The following GRPEL1 variants were observed in gnomAD, a reference collection of about 807,000 sequenced individuals.
GRPEL1 encodes the protein GrpE like 1, mitochondrial.
A neutral mutation model predicts 22.1 loss-of-function variants in GRPEL1; 13 were observed. The observed-to-expected ratio is 0.59, with a 90% CI of 0.38 to 0.94. GRPEL1 has a LOEUF of 0.94. Among genes scored for constraint, GRPEL1 ranks in the 40% least tolerant of loss-of-function variants. The pLI is 0.00. For synonymous variants in GRPEL1, 109 were observed against 105.3 expected (o/e 1.03, Z -0.21); for missense variants, 289 against 264.6 (o/e 1.09, Z -0.64).
rs1379852086 is a variant in GRPEL1, at chr4:7,064,159, C to A, written c.127G>T (p.Asp43Tyr). ...GCCTTCTGTTCACTCTGACCCATGT[C>A]CTCTTCCAGGTTCTGGCCACTGTTC... The part of the protein sequence containing the change: ...QKNSGQNLEE[D>Y]MGQSEQKADP... Residue 43 changes from aspartate to tyrosine, a missense_variant, in exon 2 of 4, where the codon GAC becomes TAC. Asp to Tyr is a radical substitution (Grantham distance 160, BLOSUM62 -3). Transcript: ENST00000264954. 1 of 1,614,222 alleles carries A rather than the reference C, an allele frequency of 6.2e-7. No individual in the cohort carries two copies. The highest frequency in any genetic ancestry group is 8.5e-7 in the Non-Finnish European group (1 of 1,180,028).
At chr4:7,067,855 G>C (rs904533275) in intron 1 of GRPEL1, 116 bp downstream of exon 1, 1 of 1,081,256 alleles carries the variant, frequency 9.2e-7, no homozygotes, top group African/African-American at 1.6e-5. Flanking sequence ...CGCGAGCCCG[G>C]AGATGCCCAG....
At chr4:7,066,974 C>G (rs1433774974) in intron 1 of GRPEL1, among the ~76,000 whole-genome samples, 1 of 152,238 alleles carries the variant, frequency 6.6e-6, no homozygotes, top group African/African-American at 2.4e-5. Context: ...AGTCTTTTTA[C>G]TCAAGTATTC....
intron 1 of GRPEL1, among the ~76,000 whole-genome samples, chr4:7,066,918 T>C (rs1200471589): frequency 6.6e-6 from 1 of 152,222 alleles, no homozygotes; most frequent in African/African-American, 2.4e-5. Flanking sequence ...GGTGGTCACT[T>C]TCCTGGCAAT....
rs2108792243 is a variant in GRPEL1 at position 7,064,223 on chromosome 4, C to T, written c.63G>A (p.Arg21=). 6.2e-7 allele frequency: 1 copy of T among 1,610,466 alleles called. No homozygotes were observed. Among genetic ancestry groups the T allele is most frequent in the Non-Finnish European group, 8.5e-7 (1 of 1,178,012 alleles). The change falls in exon 2 of 4, where the codon AGG becomes AGA. Residue 21 remains arginine (R), a splice_region_variant and synonymous_variant. Transcript: ENST00000264954. ...CTGTGCACAACAACCGGGGAGATGG[C>T]CTACAGGGAAGTCCACACGTGAGAA... The part of the protein sequence containing the change: ...RSLPALALSL[R]PSPRLLCTAT...
chr4:7,061,450 A>C, intron 3 of GRPEL1: 3 of 475,194 alleles, frequency 6.3e-6, no homozygotes, highest in Non-Finnish European at 1.1e-5. Flanking sequence ...AGTGCAGTAG[A>C]GGGGAAAATA....
rs1034700442 is a variant in GRPEL1, at chr4:7,060,436, C to T, written c.*426G>A. On this transcript the variant is annotated 3_prime_UTR_variant, in exon 4 of 4. Coordinates refer to ENST00000264954, the MANE Select transcript of GRPEL1 (RefSeq NM_025196.4). ...TTCAACTCTCTTGCCTTTCCTTCAG[C>T]GAATGAAATGTGACGGGCTAAATAC... 1.2e-5 allele frequency: 2 copies of T among 162,782 alleles called. No homozygotes were observed. The highest frequency in any genetic ancestry group is 6.1e-5 in the Admixed American group (1 of 16,340). The allele number at this position is 162,782 out of a possible 1,614,324, so 10.1% of individuals were successfully genotyped here. A position where few individuals can be genotyped will look rare whatever the true frequency, so the allele number is the denominator to read the frequency against.
intron 3 of GRPEL1, chr4:7,061,856 T>C (rs1724048731): frequency 1.3e-5 from 2 of 153,214 alleles, no homozygotes; most frequent in South Asian, 4.1e-4. Context: ...CCTCGAGCCT[T>C]AGGTTCCACA....
rs1215959355 is a variant in GRPEL1 at position 7,060,387 on chromosome 4, A to T, written c.*475T>A. 2 of 156,488 alleles carry T rather than the reference A, an allele frequency of 1.3e-5. No homozygotes were observed. Among genetic ancestry groups the T allele is most frequent in the African/African-American group, 4.8e-5 (2 of 41,448 alleles). 9.7% of individuals were successfully genotyped at this position (156,488 alleles called of 1,614,324 possible). On this transcript the variant is annotated 3_prime_UTR_variant, in exon 4 of 4. Coordinates refer to ENST00000264954, the MANE Select transcript of GRPEL1 (RefSeq NM_025196.4). ...ACTCACTATGTTCTTCACAAAGATC[A>T]TTTTTTTTAAGTAAGAAAAATGTTT...
At chr4:7,062,961 G>A (rs758469341) in intron 2 of GRPEL1, among the ~76,000 whole-genome samples, 4 of 152,172 alleles carry the variant, frequency 2.6e-5, no homozygotes, top group Non-Finnish European at 5.9e-5. Context: ...CTTAATAAAA[G>A]CTGCACTCAT....
At chr4:7,066,391 G>A (rs180930469) in intron 1 of GRPEL1, among the ~76,000 whole-genome samples, 2 of 152,308 alleles carry the variant, frequency 1.3e-5, no homozygotes, top group Admixed American at 1.3e-4. Context: ...TGGATGTTCT[G>A]TTAAGAAATG....
intron 1 of GRPEL1, among the ~76,000 whole-genome samples, chr4:7,066,804 T>C (rs1724179719): frequency 1.3e-5 from 2 of 152,188 alleles, no homozygotes. Context: ...TCAGAAAGCC[T>C]AGTTACTCTG....
At chr4:7,067,664 C>T (rs1453078926) in intron 1 of GRPEL1, 1 of 432,678 alleles carries the variant, frequency 2.3e-6, no homozygotes, top group South Asian at 3.9e-5. Flanking sequence ...GAGGCGTCGC[C>T]GCAGGCCCTG....
At chr4:7,065,585 A>G (rs2108793022) in intron 1 of GRPEL1, among the ~76,000 whole-genome samples, 1 of 152,158 alleles carries the variant, frequency 6.6e-6, no homozygotes, top group South Asian at 2.1e-4. Context: ...CTCAGAGTAG[A>G]AGGAGATACC....
intron 1 of GRPEL1, 125 bp downstream of exon 1, chr4:7,067,846 G>T: frequency 1.0e-6 from 1 of 989,756 alleles, no homozygotes; most frequent in Non-Finnish European, 1.5e-6. Flanking sequence ...GCGGGGAACC[G>T]CGAGCCCGGA....
At position 7,067,952 on chromosome 4, in the gene GRPEL1, G is replaced by T; in HGVS notation, c.62+19C>A. On this transcript the variant is annotated intron_variant, in intron 1 of 3. Transcript: ENST00000264954. ...GGTCGCGCTGCCACCTCCACCCAGG[G>T]AGACCAAGTGCCCCTTACCTGAGAG... 4.3e-6 allele frequency: 7 copies of T among 1,612,794 alleles called. No individual in the cohort carries two copies. The highest frequency in any genetic ancestry group is 5.9e-6 in the Non-Finnish European group (7 of 1,179,632).
At chr4:7,065,005 A>G (rs998652060) in intron 1 of GRPEL1, among the ~76,000 whole-genome samples, 1 of 152,160 alleles carries the variant, frequency 6.6e-6, no homozygotes, top group Non-Finnish European at 1.5e-5. Flanking sequence ...TTACATGTCA[A>G]TGTGCCAAGT....
Position 7,062,388 on chromosome 4 carries a change from A to T in GRPEL1, c.304T>A (p.Tyr102Asn). The change falls in exon 3 of 4, where the codon TAC (tyrosine) becomes AAC (asparagine). Residue 102 changes from tyrosine (Y) to asparagine (N), a missense_variant. Coordinates refer to ENST00000264954, the MANE Select transcript of GRPEL1 (RefSeq NM_025196.4). ...SQKLVEEAKL[Y>N]GIQAFCKDLL... is the part of the protein sequence containing the mutation. ...CACCATGTTATGTTGAAAGTACCGT[A>T]TAATTTTGCCTCCTCCACCAATTTC... 1 of 1,536,554 alleles carries T rather than the reference A, an allele frequency of 6.5e-7. No individual in the cohort carries two copies. The highest frequency in any genetic ancestry group is 9.0e-7 in the Non-Finnish European group (1 of 1,113,836).
intron 1 of GRPEL1, among the ~76,000 whole-genome samples, chr4:7,065,150 G>A (rs1724135598): frequency 6.6e-6 from 1 of 152,126 alleles, no homozygotes; most frequent in Non-Finnish European, 1.5e-5. Flanking sequence ...TGATCCTGAT[G>A]ACAAAGATAG....
intron 2 of GRPEL1, among the ~76,000 whole-genome samples, chr4:7,063,263 A>T (rs141397141): frequency 2.0e-5 from 3 of 151,460 alleles, no homozygotes; most frequent in Admixed American, 6.6e-5. Flanking sequence ...CTAATTTTTA[A>T]TTTTTTTTAG....
Sources: allele counts gnomAD v4.1 joint callset (sites outside exome capture counted in the v4.1 genomes callset), GRCh38; gene constraint gnomAD v4.1.1; transcripts MANE v1.5; gene names NCBI Gene and HGNC (gene_info 2026-07-23, HGNC 2026-07-21).